RRN3: variants seen among roughly 807,000 people sequenced by gnomAD.
The protein encoded by RRN3 is RNA polymerase I transcription factor RRN3, also known as RNA polymerase I-specific transcription initiation factor RRN3.
A neutral mutation model predicts 82.3 loss-of-function variants in RRN3; 38 were observed. The ratio of observed to expected loss-of-function variants is 0.46; its 90% CI spans 0.36 to 0.61. The LOEUF (loss-of-function observed/expected upper bound fraction) is 0.61. Among genes scored for constraint, RRN3 ranks in the 20% least tolerant of loss-of-function variants. RRN3 has a pLI of 0.00. For missense variants in RRN3, 726 were observed against 793.1 expected (o/e 0.92, Z 1.02); for synonymous variants, 284 against 284.3 (o/e 1.00, Z 0.01).
chr16:15,063,024 T>G (rs1244772734), intron 17 of RRN3, among the ~76,000 whole-genome samples, 172 bp downstream of exon 17: 1 of 152,174 alleles, frequency 6.6e-6, no homozygotes, highest in African/African-American at 2.4e-5. Flanking sequence ...AAAAAATTTT[T>G]GTAGAAACAG....
In RRN3 at chr16:15,086,195, G is replaced by C. The variant is rs2045910524; in HGVS notation, c.406C>G (p.Leu136Val). 3.8e-6 allele frequency: 6 copies of C among 1,592,650 alleles called. No homozygotes were observed. The highest frequency in any genetic ancestry group is 1.7e-6 in the Non-Finnish European group (2 of 1,165,100). Residue 136 changes from leucine (L) to valine (V), a missense_variant, in exon 5 of 18, where the codon CTT (leucine) becomes GTT (valine). By Grantham distance (32) the Leu-to-Val change is conservative (BLOSUM62 1). Around this residue, in one of 4 missense-constraint regions of RRN3, gnomAD observed 344 missense variants for 394.5 expected, o/e 0.87. Coordinates refer to ENST00000198767, the MANE Select transcript of RRN3 (RefSeq NM_018427.5). ...AGGAAAACAGTCTGTGCTGATACAA[G>C]ATTACCAAGAAAAGCCAAATACTCT... ...VEEYLAFLGN[L>V]VSAQTVFLRP... is the part of the protein sequence containing the mutation.
rs1344205431 is a variant in RRN3 at position 15,076,689 on chromosome 16, A to T, written c.766-39T>A. On this transcript the variant is annotated intron_variant, in intron 9 of 17. Coordinates refer to ENST00000198767, the MANE Select transcript of RRN3 (RefSeq NM_018427.5). The stretch of plus-strand genomic sequence containing the variant: ...AGAAAAAAAAAGAATAAAAGGATTT[A>T]AAAAATACAACTATGTTATTTTGGG... 5 of 1,384,560 alleles carry T rather than the reference A, an allele frequency of 3.6e-6. No homozygotes were observed. In the South Asian group the frequency reaches 4.7e-5, roughly 13 times the overall value. The allele number at this position is 1,384,560 out of a possible 1,614,324, so 85.8% of individuals were successfully genotyped here.
At chr16:15,064,321 G>A (rs2044860564) in intron 16 of RRN3, among the ~76,000 whole-genome samples, 1 of 151,892 alleles carries the variant, frequency 6.6e-6, no homozygotes, top group South Asian at 2.1e-4. Context: ...AATTACAGGC[G>A]CCACCACCAC....
chr16:15,073,394 C>G (rs2045320527), intron 11 of RRN3, among the ~76,000 whole-genome samples: 1 of 152,104 alleles, frequency 6.6e-6, no homozygotes, highest in Non-Finnish European at 1.5e-5. Context: ...GAGGTCAAGG[C>G]TGCAGTAAGC....
intron 16 of RRN3, among the ~76,000 whole-genome samples, chr16:15,064,470 C>T (rs529649169): frequency 6.6e-6 from 1 of 152,294 alleles, no homozygotes; most frequent in Admixed American, 6.5e-5. Flanking sequence ...CCATTACGCC[C>T]AGCCAATCGT....
chr16:15,090,210 T>TAA (rs59267950), intron 3 of RRN3, among the ~76,000 whole-genome samples: 7 of 149,700 alleles, frequency 4.7e-5, no homozygotes, highest in Admixed American at 4.0e-4. Flanking sequence ...GACTTTGTCT[T>TAA]AAAAAAAAAG....
intron 6 of RRN3, 125 bp from the exon 7 acceptor site, chr16:15,084,830 C>T (rs1193556703): frequency 9.7e-6 from 7 of 724,122 alleles, no homozygotes; most frequent in Admixed American, 2.2e-5. Flanking sequence ...CTTTGGGAGG[C>T]CGAGGTGGGT....
chr16:15,094,144 C>T lies in RRN3; in HGVS notation c.89+1G>A. 6.3e-7 allele frequency: 1 copy of T among 1,595,102 alleles called. No individual in the cohort carries two copies. The highest frequency in any genetic ancestry group is 8.5e-7 in the Non-Finnish European group (1 of 1,170,594). ...GCAGAAGGAAGCGGCCTGAATCTTA[C>T]CCAGTCCTCGACGCGCCCAGCTTCT... On this transcript the variant is annotated splice_donor_variant, in intron 1 of 17. Transcript: ENST00000198767. LOFTEE classifies it high-confidence loss of function.
chr16:15,073,144 T>A, intron 11 of RRN3, 64 bp from the exon 12 acceptor site: 1 of 1,544,566 alleles, frequency 6.5e-7, no homozygotes, highest in Non-Finnish European at 8.9e-7. Flanking sequence ...ATCTGCCATA[T>A]TTTTTATAAA....
intron 2 of RRN3, among the ~76,000 whole-genome samples, chr16:15,091,766 T>A (rs1183350350): frequency 6.6e-6 from 1 of 152,172 alleles, no homozygotes; most frequent in African/African-American, 2.4e-5. Context: ...TACTTAACAT[T>A]TTCCCTCTAC....
intron 14 of RRN3, among the ~76,000 whole-genome samples, chr16:15,069,203 A>G (rs1171331082): frequency 6.6e-6 from 1 of 152,112 alleles, no homozygotes; most frequent in Admixed American, 6.6e-5. Context: ...ATCTGGAGAC[A>G]CTTTTAGTTG....
At chr16:15,076,736 G>C (rs944306568) in intron 9 of RRN3, 86 bp from the exon 10 acceptor site, 26 of 911,330 alleles carry the variant, frequency 2.9e-5, no homozygotes, top group Admixed American at 9.8e-5. Context: ...TCTGATATAC[G>C]CATGTTCAAG....
At position 15,071,110 on chromosome 16, in the gene RRN3, A is replaced by G. The variant is rs746878296; in HGVS notation, c.1259+11T>C. On this transcript the variant is annotated intron_variant, in intron 13 of 17. Coordinates refer to ENST00000198767, the MANE Select transcript of RRN3 (RefSeq NM_018427.5). ...GATATTAAAAAGTATTCGGAAAATTAGGCTACTTACATAAGAGGAATAAAT... is the reference window on the plus strand; with the variant it reads ...GATATTAAAAAGTATTCGGAAAATTGGGCTACTTACATAAGAGGAATAAAT... 1.9e-6 allele frequency: 3 copies of G among 1,594,046 alleles called. No individual in the cohort carries two copies. The highest frequency in any genetic ancestry group is 2.3e-5 in the South Asian group (2 of 87,652).
chr16:15,083,917 T>A (rs1349177744), intron 7 of RRN3, among the ~76,000 whole-genome samples: 1 of 152,222 alleles, frequency 6.6e-6, no homozygotes, highest in Non-Finnish European at 1.5e-5. Flanking sequence ...GGTTTCTCCA[T>A]GTTGGTCAGG....
chr16:15,089,560 G>C (rs1290066167), intron 3 of RRN3, among the ~76,000 whole-genome samples: 1 of 152,090 alleles, frequency 6.6e-6, no homozygotes, highest in Non-Finnish European at 1.5e-5. Context: ...CAGCACTTTG[G>C]GAGGCCAAGG....
chr16:15,072,947 C>T lies in RRN3; in HGVS notation c.1128+3G>A, dbSNP rs1284539430. The T allele has an allele frequency of 1.9e-6, 3 of 1,613,186 alleles. No individual in the cohort carries two copies. Among genetic ancestry groups the T allele is most frequent in the South Asian group, 1.1e-5 (1 of 90,656 alleles). On this transcript the variant is annotated splice_donor_region_variant and intron_variant, in intron 12 of 17. Coordinates refer to ENST00000198767, the MANE Select transcript of RRN3 (RefSeq NM_018427.5). ...AGATAATGTTAATCACATTCTTACT[C>T]ACCAATTTGAAACTACAGAGGTAAA...
chr16:15,083,297 G>A (rs2045779336), intron 8 of RRN3, among the ~76,000 whole-genome samples: 1 of 152,264 alleles, frequency 6.6e-6, no homozygotes, highest in East Asian at 1.9e-4. Context: ...TAATGGGGAG[G>A]CTGAGGCAGG....
At chr16:15,093,817 G>A (rs1178760559) in intron 1 of RRN3, 4 of 405,072 alleles carry the variant, frequency 9.9e-6, no homozygotes, top group Admixed American at 4.9e-5. Context: ...CATAGCCCAG[G>A]GAAATCCCTT....
In RRN3 at chr16:15,094,045, C is replaced by A. The variant is rs531944499; in HGVS notation, c.89+100G>T. 2.1e-3 allele frequency: 2,297 copies of A among 1,080,160 alleles called. 5 individuals carry two copies. Among genetic ancestry groups the A allele is most frequent in the Non-Finnish European group, 2.5e-3 (1,797 of 719,272 alleles). The allele number at this position is 1,080,160 out of a possible 1,614,324, so 66.9% of individuals were successfully genotyped here. A position where few individuals can be genotyped will look rare whatever the true frequency, so the allele number is the denominator to read the frequency against. ...GACCCTCCACCCCGTGCTCCTATCA[C>A]ACGCCATGAGCTTTGTCCCACATCC... On this transcript the variant is annotated intron_variant, in intron 1 of 17. Coordinates refer to ENST00000198767, the MANE Select transcript of RRN3 (RefSeq NM_018427.5).
Sources: allele counts gnomAD v4.1 joint callset (sites outside exome capture counted in the v4.1 genomes callset), GRCh38; gene constraint gnomAD v4.1.1; regional missense constraint gnomAD v4.1.1; transcripts MANE v1.5; gene names NCBI Gene and HGNC (gene_info 2026-07-23, HGNC 2026-07-21).